BACH2: variants seen among roughly 807,000 people sequenced by gnomAD.
BACH2 encodes transcription regulator protein BACH2.
BACH2 carries 5 observed loss-of-function variants against 61.8 expected under a neutral mutation model. That is an observed-to-expected ratio of 0.08 (90% CI 0.04 to 0.17). BACH2 has a LOEUF of 0.17. Ranked by LOEUF, BACH2 falls within the 10% of genes least tolerant of loss-of-function variation. The probability of loss-of-function intolerance (pLI) is 1.00; values close to 1 mark genes in which losing one functional copy is unlikely to be tolerated. For synonymous variants in BACH2, 446 were observed against 440.1 expected (o/e 1.01, Z -0.17); for missense variants, 824 against 1,091.1 (o/e 0.76, Z 3.45).
At chr6:90,245,416 CTCTGTT>C (rs1770599999) in intron 3 of BACH2, among the ~76,000 whole-genome samples, 1 of 152,090 alleles carries the variant, frequency 6.6e-6, no homozygotes, top group Non-Finnish European at 1.5e-5. Context: ...CATAGAGAGA[CTCTGTT>C]TCTAACAAGA....
intron 4 of BACH2, among the ~76,000 whole-genome samples, chr6:90,128,918 T>C (rs1392800434): frequency 6.6e-6 from 1 of 152,126 alleles, no homozygotes; most frequent in Non-Finnish European, 1.5e-5. Context: ...TGTGGGGACA[T>C]GAATGAAGCT....
intron 4 of BACH2, among the ~76,000 whole-genome samples, chr6:90,145,336 C>T (rs1263322454): frequency 6.6e-6 from 1 of 152,156 alleles, no homozygotes; most frequent in African/African-American, 2.4e-5. Context: ...GAAACACAGA[C>T]AAAGATAGGT....
chr6:90,005,136 G>T (rs1777338559), intron 6 of BACH2, among the ~76,000 whole-genome samples: 1 of 152,128 alleles, frequency 6.6e-6, no homozygotes, highest in East Asian at 1.9e-4. Flanking sequence ...GGGATTTGGG[G>T]GTGGAATTGC....
chr6:90,187,426 A>G (rs926061832), intron 4 of BACH2, among the ~76,000 whole-genome samples: 8 of 152,220 alleles, frequency 5.3e-5, no homozygotes, highest in Non-Finnish European at 1.2e-4. Flanking sequence ...TTTCAGCCCA[A>G]TCTATAAAAC....
intron 8 of BACH2, among the ~76,000 whole-genome samples, chr6:89,937,403 C>T (rs187942600): frequency 2.6e-5 from 4 of 152,290 alleles, no homozygotes; most frequent in Admixed American, 6.5e-5. Flanking sequence ...TCTGCAGTTC[C>T]CTCCTCTGTA....
chr6:90,234,459 G>C lies in BACH2; in HGVS notation c.-275+18054C>G, dbSNP rs148705689. Reference sequence around the variant, plus strand: ...GAATTTCCATGAAGGTCAATGTTTTGTATAAACCTTAGCCTGAAAAAGCTC... The same window carrying C: ...GAATTTCCATGAAGGTCAATGTTTTCTATAAACCTTAGCCTGAAAAAGCTC... On this transcript the variant is annotated intron_variant, in intron 3 of 8. Coordinates refer to ENST00000257749, the MANE Select transcript of BACH2 (RefSeq NM_021813.4). Among the ~76,000 whole-genome samples, 758 of 152,286 alleles carry C rather than the reference G, an allele frequency of 5.0e-3. 5 individuals are homozygous for C. The highest frequency in any genetic ancestry group is 0.017 in the African/African-American group (722 of 41,562).
intron 2 of BACH2, among the ~76,000 whole-genome samples, chr6:90,264,727 C>T (rs1479414980): frequency 1.3e-5 from 2 of 152,148 alleles, no homozygotes; most frequent in Non-Finnish European, 2.9e-5. Context: ...AGGCATTTTT[C>T]TCCAGAAAGC....
intron 3 of BACH2, among the ~76,000 whole-genome samples, chr6:90,233,395 G>A (rs1050551636): frequency 2.0e-5 from 3 of 152,096 alleles, no homozygotes; most frequent in African/African-American, 4.8e-5. Flanking sequence ...GTCTGCTTCC[G>A]TCTGCCTGTG....
intron 3 of BACH2, among the ~76,000 whole-genome samples, chr6:90,236,963 G>A (rs1478090622): frequency 2.6e-5 from 4 of 151,774 alleles, no homozygotes; most frequent in Non-Finnish European, 5.9e-5. Flanking sequence ...TCTCTCTGTC[G>A]CCCAGGCTGG....
intron 6 of BACH2, among the ~76,000 whole-genome samples, chr6:89,984,142 C>T (rs1456963477): frequency 6.6e-6 from 1 of 152,140 alleles, no homozygotes; most frequent in Non-Finnish European, 1.5e-5. Flanking sequence ...TCTCCATAAA[C>T]TACAATTTAG....
At chr6:90,019,904 G>A (rs914978928) in intron 5 of BACH2, among the ~76,000 whole-genome samples, 1 of 152,194 alleles carries the variant, frequency 6.6e-6, no homozygotes, top group African/African-American at 2.4e-5. Context: ...CCAAGTTGAT[G>A]AAATAGGCTG....
chr6:90,223,096 G>T (rs1397262555), intron 3 of BACH2, among the ~76,000 whole-genome samples: 1 of 152,280 alleles, frequency 6.6e-6, no homozygotes, highest in Admixed American at 6.5e-5. Flanking sequence ...TCTCGCCATT[G>T]CTCCATCCAT....
At chr6:90,070,925 T>C (rs1304423746) in intron 5 of BACH2, among the ~76,000 whole-genome samples, 1 of 152,206 alleles carries the variant, frequency 6.6e-6, no homozygotes, top group African/African-American at 2.4e-5. Context: ...TCTCCATTCC[T>C]CATGCTGTGT....
chr6:90,290,155 T>C (rs1772135980), intron 1 of BACH2, among the ~76,000 whole-genome samples: 1 of 152,158 alleles, frequency 6.6e-6, no homozygotes, highest in African/African-American at 2.4e-5. Flanking sequence ...ATTAATAGGA[T>C]TAGGAAGCTG....
intron 4 of BACH2, among the ~76,000 whole-genome samples, chr6:90,149,758 C>G (rs1294359968): frequency 1.3e-5 from 2 of 152,166 alleles, no homozygotes; most frequent in Non-Finnish European, 2.9e-5. Context: ...ATGTGGGGTC[C>G]TTTCCTTCTA....
Position 89,928,062 on chromosome 6 carries a change from C to T in BACH2, c.*4346G>A, listed in dbSNP as rs934262898. 25 of 152,376 alleles carry T rather than the reference C, an allele frequency of 1.6e-4. No homozygotes were observed. The highest frequency in any genetic ancestry group is 6.0e-4 in the African/African-American group (25 of 41,464). 9.4% of individuals were successfully genotyped at this position (152,376 alleles called of 1,614,324 possible). On this transcript the variant is annotated 3_prime_UTR_variant, in exon 9 of 9. Transcript: ENST00000257749. ...CTCACCAGAAATTGCACTTCCAACACAGTCTTCAGTTTGGGGAAGAAACAC... is the reference window on the plus strand; with the variant it reads ...CTCACCAGAAATTGCACTTCCAACATAGTCTTCAGTTTGGGGAAGAAACAC...
At chr6:90,120,531 C>T (rs1783578152) in intron 4 of BACH2, among the ~76,000 whole-genome samples, 1 of 152,208 alleles carries the variant, frequency 6.6e-6, no homozygotes, top group Non-Finnish European at 1.5e-5. Flanking sequence ...TAACCATAAG[C>T]CTCCTTCAAA....
intron 4 of BACH2, among the ~76,000 whole-genome samples, chr6:90,157,731 A>G (rs1785041993): frequency 6.6e-6 from 1 of 152,128 alleles, no homozygotes; most frequent in Admixed American, 6.5e-5. Flanking sequence ...GAAATACTCC[A>G]ACCAAATCAG....
intron 1 of BACH2, among the ~76,000 whole-genome samples, chr6:90,278,337 C>T (rs894297856): frequency 6.6e-6 from 1 of 152,274 alleles, no homozygotes; most frequent in Non-Finnish European, 1.5e-5. Flanking sequence ...AAATTCTACC[C>T]ACTCGTCAGT....
Sources: allele counts gnomAD v4.1 joint callset (sites outside exome capture counted in the v4.1 genomes callset), GRCh38; gene constraint gnomAD v4.1.1; transcripts MANE v1.5; gene names NCBI Gene and HGNC (gene_info 2026-07-23, HGNC 2026-07-21).